PCDHGB7: variants seen among roughly 807,000 people sequenced by gnomAD.
PCDHGB7 encodes protocadherin gamma subfamily B, 7, also known as protocadherin gamma-B7.
In PCDHGB7, 37 loss-of-function variants were observed where a neutral mutation model predicts 61.4. The ratio of observed to expected loss-of-function variants is 0.60; its 90% CI spans 0.46 to 0.79. The LOEUF (loss-of-function observed/expected upper bound fraction) is 0.79, where lower values mean the gene tolerates loss of function less well. Among genes scored for constraint, PCDHGB7 ranks in the 30% least tolerant of loss-of-function variants. The pLI, the probability that PCDHGB7 is intolerant of heterozygous loss-of-function variation, is 0.00. For missense variants in PCDHGB7, 1,166 were observed against 1,202.5 expected, an observed-to-expected ratio of 0.97 and a Z score of 0.45; for synonymous variants, 464 against 503.5, an observed-to-expected ratio of 0.92 and a Z score of 1.05.
Position 141,491,623 on chromosome 5 carries a change from G to T in PCDHGB7, c.2416-3184G>T. 1 of 1,613,930 alleles carries T rather than the reference G, an allele frequency of 6.2e-7. No homozygotes were observed. The highest frequency in any genetic ancestry group is 1.1e-5 in the South Asian group (1 of 91,084). On this transcript the variant is annotated intron_variant, in intron 1 of 3. Transcript: ENST00000398594. This position sits in a 1 kb window ranked among gnomAD's most constrained non-coding sequence, Gnocchi z 6.9. ...CTTCACTTTTCTAAGACCCCTCAGC[G>T]TTCAGCAGCCCACAGCTCTGGCGCT...
Position 141,431,740 on chromosome 5 carries a change from T to C in PCDHGB7, c.2415+11466T>C. 6.2e-7 allele frequency: 1 copy of C among 1,614,230 alleles called. No individual in the cohort carries two copies. Among genetic ancestry groups the C allele is most frequent in the South Asian group, 1.1e-5 (1 of 91,088 alleles). On this transcript the variant is annotated intron_variant, in intron 1 of 3. Transcript: ENST00000398594. This position sits in a 1 kb window ranked among gnomAD's most constrained non-coding sequence, Gnocchi z 4.8. ...TGCAAGCAATGGATAATGCAGGATA[T>C]TCTGCGCGAGCCAAAGTCCTGATCA... is the stretch of plus-strand genomic sequence containing the variant.
chr5:141,510,916 G>C (rs1044988697), intron 3 of PCDHGB7, 31 bp from the exon 4 acceptor site: 2 of 1,613,714 alleles, frequency 1.2e-6, no homozygotes, highest in African/African-American at 1.3e-5. Flanking sequence ...CCTAAGTTTA[G>C]CTCCCACCTG....
In PCDHGB7 at chr5:141,476,802, C is replaced by T; in HGVS notation, c.2416-18005C>T. 2 of 1,613,638 alleles carry T rather than the reference C, an allele frequency of 1.2e-6. No homozygotes were observed. The highest frequency in any genetic ancestry group is 1.7e-6 in the Non-Finnish European group (2 of 1,180,020). On this transcript the variant is annotated intron_variant, in intron 1 of 3. Coordinates refer to ENST00000398594, the MANE Select transcript of PCDHGB7 (RefSeq NM_018927.4). The surrounding 1 kb of genome is among the most constrained non-coding windows in gnomAD (Gnocchi z 7.6). ...ACCCCAGCTCTCTCCGCCAGCCTGC[C>T]TATTCACATCAAGGTGCTGGACGCG... is the stretch of plus-strand genomic sequence containing the variant.
chr5:141,447,257 A>G (rs1182682161), intron 1 of PCDHGB7, among the ~76,000 whole-genome samples: 1 of 152,080 alleles, frequency 6.6e-6, no homozygotes, highest in Non-Finnish European at 1.5e-5. Flanking sequence ...CTTCTGTCTC[A>G]GCCTCCCAAG....
chr5:141,457,942 T>C (rs2098933338), intron 1 of PCDHGB7, among the ~76,000 whole-genome samples: 1 of 152,226 alleles, frequency 6.6e-6, no homozygotes, highest in Non-Finnish European at 1.5e-5. Flanking sequence ...TTATTGGCTC[T>C]GCATGTCAAG....
At chr5:141,428,082 G>C (rs776612130) in intron 1 of PCDHGB7, 2 of 1,609,030 alleles carry the variant, frequency 1.2e-6, no homozygotes, top group Non-Finnish European at 8.5e-7. Flanking sequence ...GGGACACAAC[G>C]CTTGGCTGTC....
At chr5:141,460,872 T>C (rs2098999714) in intron 1 of PCDHGB7, among the ~76,000 whole-genome samples, 1 of 151,064 alleles carries the variant, frequency 6.6e-6, no homozygotes, top group South Asian at 2.1e-4. Flanking sequence ...GCAAAGGACA[T>C]TATTTCATGC....
chr5:141,427,454 T>C (rs62379160), intron 1 of PCDHGB7: 18,356 of 489,902 alleles, frequency 0.037, 441 homozygotes, highest in Middle Eastern at 0.11. Context: ...GAGTTCCTTT[T>C]AGAATCGAAT....
chr5:141,462,009 G>A (rs2099028674), intron 1 of PCDHGB7, among the ~76,000 whole-genome samples: 1 of 152,190 alleles, frequency 6.6e-6, no homozygotes, highest in Admixed American at 6.5e-5. Context: ...TTTTAATAGA[G>A]ACGGGGTTTC....
At chr5:141,462,157 A>C (rs1232551906) in intron 1 of PCDHGB7, among the ~76,000 whole-genome samples, 1 of 151,394 alleles carries the variant, frequency 6.6e-6, no homozygotes, top group African/African-American at 2.4e-5. Flanking sequence ...ATGGGGTTTC[A>C]TCATGTTGGC....
At chr5:141,466,528 T>C (rs1171715691) in intron 1 of PCDHGB7, among the ~76,000 whole-genome samples, 1 of 152,204 alleles carries the variant, frequency 6.6e-6, no homozygotes, top group African/African-American at 2.4e-5. Context: ...TCCTCCCAAA[T>C]TGATGTAGAT....
rs967535805 is a variant in PCDHGB7 at position 141,490,206 on chromosome 5, C to T, written c.2416-4601C>T. 2.4e-5 allele frequency: 38 copies of T among 1,614,050 alleles called. No homozygotes were observed. In the Admixed American group the frequency reaches 5.0e-4, roughly 21 times the overall value. ...GTTTCTATGAAATTCATGCAAGAGCCCGTGACCAGGGACAGCCTGCCATGG... is the reference window on the plus strand; with the variant it reads ...GTTTCTATGAAATTCATGCAAGAGCTCGTGACCAGGGACAGCCTGCCATGG... On this transcript the variant is annotated intron_variant, in intron 1 of 3. Coordinates refer to ENST00000398594, the MANE Select transcript of PCDHGB7 (RefSeq NM_018927.4). This position sits in a 1 kb window ranked among gnomAD's most constrained non-coding sequence, Gnocchi z 5.4.
chr5:141,431,876 GA>G lies in PCDHGB7; in HGVS notation c.2415+11603del. 6.2e-7 allele frequency: 1 copy of G among 1,614,188 alleles called. No individual in the cohort carries two copies. Among genetic ancestry groups the G allele is most frequent in the Non-Finnish European group, 8.5e-7 (1 of 1,180,008 alleles). On this transcript the variant is annotated intron_variant, in intron 1 of 3. Transcript: ENST00000398594. The surrounding 1 kb of genome is among the most constrained non-coding windows in gnomAD (Gnocchi z 4.8). ...ATTAATTGCCCTTTTAAATGTAAATGACCAAGATTCTGAGGAAAACGGACAG... is the reference window on the plus strand; with the variant it reads ...ATTAATTGCCCTTTTAAATGTAAATGCCAAGATTCTGAGGAAAACGGACAG...
chr5:141,419,660 A>C lies in PCDHGB7; in HGVS notation c.1801A>C (p.Asn601His), dbSNP rs759082983. 6.2e-7 allele frequency: 1 copy of C among 1,612,798 alleles called. No individual in the cohort carries two copies. Among genetic ancestry groups the C allele is most frequent in the Admixed American group, 1.7e-5 (1 of 60,018 alleles). Residue 601 changes from asparagine to histidine, a missense_variant, in exon 1 of 4, where the codon AAT (asparagine) becomes CAT (histidine). Coordinates refer to ENST00000398594, the MANE Select transcript of PCDHGB7 (RefSeq NM_018927.4). ...VVAVDADSGH[N>H]AWLSYHVVQA... ...GGCCGTGGACGCGGACTCGGGGCAC[A>C]ATGCCTGGCTGTCCTACCACGTGGT...
intron 1 of PCDHGB7, among the ~76,000 whole-genome samples, chr5:141,452,068 A>G (rs554365813): frequency 1.1e-3 from 160 of 152,308 alleles, no homozygotes; most frequent in Middle Eastern, 6.8e-3. Flanking sequence ...TTCTACTTTT[A>G]TTAGTTGGCA....
rs200790843 is a variant in PCDHGB7 at position 141,432,196 on chromosome 5, C to A, written c.2415+11922C>A. ...TCGTCTCTGTGACCGCCCACGACCCCGACTGTGAAGAGAACGCCCAGATCA... is the reference window on the plus strand; with the variant it reads ...TCGTCTCTGTGACCGCCCACGACCCAGACTGTGAAGAGAACGCCCAGATCA... On this transcript the variant is annotated intron_variant, in intron 1 of 3. Coordinates refer to ENST00000398594, the MANE Select transcript of PCDHGB7 (RefSeq NM_018927.4). This position sits in a 1 kb window ranked among gnomAD's most constrained non-coding sequence, Gnocchi z 6.0. The A allele has an allele frequency of 6.2e-7, 1 of 1,614,192 alleles. No homozygotes were observed.
intron 1 of PCDHGB7, among the ~76,000 whole-genome samples, chr5:141,466,735 T>C (rs2099128254): frequency 6.6e-6 from 1 of 152,224 alleles, no homozygotes; most frequent in South Asian, 2.1e-4. Context: ...GCAGAATTCA[T>C]GTTACTCTGA....
In PCDHGB7 at chr5:141,419,834, A is replaced by C; in HGVS notation, c.1975A>C (p.Thr659Pro). 6.2e-7 allele frequency: 1 copy of C among 1,614,072 alleles called. No homozygotes were observed. The highest frequency in any genetic ancestry group is 8.5e-7 in the Non-Finnish European group (1 of 1,179,906). Residue 659 changes from threonine to proline, a missense_variant, in exon 1 of 4, where the codon ACG becomes CCG. By Grantham distance (38) the Thr-to-Pro change is conservative. Coordinates refer to ENST00000398594, the MANE Select transcript of PCDHGB7 (RefSeq NM_018927.4). ...GGQPPLSATA[T>P]LHLVFADSLQ... ...ACAGCCACCCCTTTCAGCCACTGCC[A>C]CGCTGCACCTGGTGTTCGCAGATAG...
intron 1 of PCDHGB7, chr5:141,471,361 C>T (rs1206745378): frequency 6.6e-6 from 1 of 151,976 alleles, no homozygotes; most frequent in Non-Finnish European, 1.5e-5. Context: ...TCCAAGCCCC[C>T]TATTTTTATT....
Sources: gnomAD v4.1 joint callset for allele counts (sites outside exome capture counted in the v4.1 genomes callset) on GRCh38, gnomAD v4.1.1 for gene constraint, Gnocchi (gnomAD v3.1) non-coding constraint, MANE v1.5 for transcripts, NCBI Gene and HGNC (gene_info 2026-07-23, HGNC 2026-07-21) for gene names.